Variants in FAM53C observed in about 807,000 individuals in gnomAD.
The protein encoded by FAM53C is protein FAM53C.
A neutral mutation model predicts 34.7 loss-of-function variants in FAM53C; 10 were observed. The observed-to-expected ratio is 0.29, with a 90% CI of 0.18 to 0.49. The LOEUF is 0.49. Among genes scored for constraint, FAM53C ranks in the 20% least tolerant of loss-of-function variants. The probability of loss-of-function intolerance (pLI) is 0.99; values close to 1 mark genes in which losing one functional copy is unlikely to be tolerated. For missense variants in FAM53C, 442 were observed against 515.3 expected, an observed-to-expected ratio of 0.86 and a Z score of 1.38; for synonymous variants, 203 against 203.6, an observed-to-expected ratio of 1.00 and a Z score of 0.03.
Position 138,345,056 on chromosome 5 carries a change from T to C in FAM53C, c.368T>C (p.Val123Ala), listed in dbSNP as rs1226612560. 13 of 1,613,746 alleles carry C rather than the reference T, an allele frequency of 8.1e-6. No homozygotes were observed. Among genetic ancestry groups the C allele is most frequent in the Non-Finnish European group, 1.0e-5 (12 of 1,179,880 alleles). ...AAGAGGCACTGCCGCTCACTCTCAGTGCCCGTGGACCTGTCTCGCTGGCAG... is the reference window on the plus strand; with the variant it reads ...AAGAGGCACTGCCGCTCACTCTCAGCGCCCGTGGACCTGTCTCGCTGGCAG... ...PSKRHCRSLS[V>A]PVDLSRWQPV... The change falls in exon 4 of 5, where the codon GTG becomes GCG. Residue 123 changes from valine to alanine, a missense_variant. By Grantham distance (64) the Val-to-Ala change is moderately conservative (BLOSUM62 0). Coordinates refer to ENST00000239906, the MANE Select transcript of FAM53C (RefSeq NM_016605.3). This position sits in a 1 kb window ranked among gnomAD's most constrained non-coding sequence, Gnocchi z 6.3.
chr5:138,338,196 T>C (rs1456420074), upstream of FAM53C: 1 of 1,281,128 alleles, frequency 7.8e-7, no homozygotes, highest in Admixed American at 2.3e-5. Flanking sequence ...GCTGTCCCCC[T>C]ACTCTCCTCA....
intron 2 of FAM53C, 138 bp downstream of exon 2, chr5:138,341,551 AC>A: frequency 1.1e-6 from 1 of 884,454 alleles, no homozygotes; most frequent in Non-Finnish European, 1.8e-6. Context: ...ATGGCTCAAA[AC>A]CCAGCCCAAA....
intron 1 of FAM53C, among the ~76,000 whole-genome samples, chr5:138,339,569 G>C (rs1023078669): frequency 1.3e-5 from 2 of 152,174 alleles, no homozygotes; most frequent in Non-Finnish European, 1.5e-5. Flanking sequence ...CTCATAGCTG[G>C]TTAGCCTGAG....
chr5:138,338,402 CCCGCGCGGCCGGGCCTCGCTGG>C (rs1455646633), intron 1 of FAM53C, 95 bp downstream of exon 1: 8 of 351,990 alleles, frequency 2.3e-5, no homozygotes, highest in African/African-American at 1.1e-4. Context: ...AGCCCGACCG[CCCGCGCGGCCGGGCCTCGCTGG>C]CCGCCTCTGC....
chr5:138,340,703 CAT>C (rs1761011333), intron 1 of FAM53C, among the ~76,000 whole-genome samples: 3 of 152,198 alleles, frequency 2.0e-5, no homozygotes, highest in Admixed American at 2.0e-4. Flanking sequence ...TGTGGGAGGA[CAT>C]AAAATCCTAT....
In FAM53C at chr5:138,348,461, C is replaced by T. The variant is rs1344440047; in HGVS notation, c.*1502C>T. 1 of 152,178 alleles carries T rather than the reference C, an allele frequency of 6.6e-6. No individual in the cohort carries two copies. Among genetic ancestry groups the T allele is most frequent in the Non-Finnish European group, 1.5e-5 (1 of 68,034 alleles). The allele number at this position is 152,178 out of a possible 1,614,324, so 9.4% of individuals were successfully genotyped here. ...TTAGACCCTGCATGACCAAATTTGACCTGCCCTTGTTTATGGCAAGAAGGG... is the reference window on the plus strand; with the variant it reads ...TTAGACCCTGCATGACCAAATTTGATCTGCCCTTGTTTATGGCAAGAAGGG... On this transcript the variant is annotated 3_prime_UTR_variant, in exon 5 of 5. Transcript: ENST00000239906.
intron 1 of FAM53C, among the ~76,000 whole-genome samples, chr5:138,340,506 A>G (rs2126885197): frequency 6.6e-6 from 1 of 152,340 alleles, no homozygotes. Context: ...ATCTTGGTTA[A>G]CTGTATCCAT....
chr5:138,341,573 C>A, intron 2 of FAM53C, 160 bp downstream of exon 2: 1 of 793,876 alleles, frequency 1.3e-6, no homozygotes, highest in Non-Finnish European at 2.1e-6. Flanking sequence ...AGGAAGGGGG[C>A]AGGGATTTTT....
Position 138,346,879 on chromosome 5 carries a change from G to A in FAM53C, c.1099G>A (p.Gly367Ser), listed in dbSNP as rs765733710. Residue 367 changes from glycine (G) to serine (S), a missense_variant, in exon 5 of 5, where the codon GGT (glycine) becomes AGT (serine). By Grantham distance (56) the Gly-to-Ser change is moderately conservative. Coordinates refer to ENST00000239906, the MANE Select transcript of FAM53C (RefSeq NM_016605.3). Reference protein sequence around the residue: ...EEEEEGAVRWGRQALSKRTLC... With the variant: ...EEEEEGAVRWSRQALSKRTLC... ...GGAGGAGGAGGGGGCTGTGCGGTGG[G>A]GTCGGCAGGCGCTGAGCAAGCGGAC... The A allele has an allele frequency of 6.2e-7, 1 of 1,614,150 alleles. No homozygotes were observed. The highest frequency in any genetic ancestry group is 1.1e-5 in the South Asian group (1 of 91,086).
rs1271050525 is a variant in FAM53C at position 138,345,215 on chromosome 5, C to T, written c.527C>T (p.Pro176Leu). Residue 176 changes from proline to leucine, a missense_variant, in exon 4 of 5, where the codon CCC becomes CTC. Coordinates refer to ENST00000239906, the MANE Select transcript of FAM53C (RefSeq NM_016605.3). The surrounding 1 kb of genome is among the most constrained non-coding windows in gnomAD (Gnocchi z 6.3). ...RVSSLRFLQA[P>L]SASSQCAPAH... ...TCCAGCCTCAGGTTCCTCCAAGCTC[C>T]CAGTGCCTCTTCTCAATGTGCCCCA... 6.2e-7 allele frequency: 1 copy of T among 1,614,214 alleles called. No individual in the cohort carries two copies. The highest frequency in any genetic ancestry group is 2.2e-5 in the East Asian group (1 of 44,884).
In FAM53C at chr5:138,345,540, G is replaced by C. The variant is rs755229152; in HGVS notation, c.852G>C (p.Gly284=). The C allele has an allele frequency of 1.2e-6, 2 of 1,614,026 alleles. No homozygotes were observed. Among genetic ancestry groups the C allele is most frequent in the Non-Finnish European group, 1.7e-6 (2 of 1,180,042 alleles). Residue 284 remains glycine (G), a synonymous_variant, in exon 4 of 5, where the codon GGG becomes GGC. Coordinates refer to ENST00000239906, the MANE Select transcript of FAM53C (RefSeq NM_016605.3). The surrounding 1 kb of genome is among the most constrained non-coding windows in gnomAD (Gnocchi z 6.3). ...QPCDLDARKT[G]VKRRHEEDPR... ...GTGATCTGGATGCCCGCAAAACTGGGGTCAAGCGGCGCCACGAGGAAGACC... is the reference window on the plus strand; with the variant it reads ...GTGATCTGGATGCCCGCAAAACTGGCGTCAAGCGGCGCCACGAGGAAGACC...
chr5:138,337,779 G>A (rs183405931), upstream of FAM53C: 2,773 of 385,696 alleles, frequency 7.2e-3, 11 homozygotes, highest in Non-Finnish European at 1.0e-2. Flanking sequence ...CCTTCACGCC[G>A]CGGACGGGTC....
In FAM53C at chr5:138,344,818, C is replaced by A; in HGVS notation, c.137-7C>A. The A allele has an allele frequency of 6.6e-7, 1 of 1,524,762 alleles. No homozygotes were observed. The highest frequency in any genetic ancestry group is 8.8e-7 in the Non-Finnish European group (1 of 1,138,254). The allele number at this position is 1,524,762 out of a possible 1,614,324, so 94.5% of individuals were successfully genotyped here. On this transcript the variant is annotated splice_region_variant and splice_polypyrimidine_tract_variant and intron_variant, in intron 3 of 4. Transcript: ENST00000239906. Reference sequence around the variant, plus strand: ...TTAATATTATTCTTATTATAAATGCCTTCCAGAAGGTGCTTCCTGGAGGGG... The same window carrying A: ...TTAATATTATTCTTATTATAAATGCATTCCAGAAGGTGCTTCCTGGAGGGG...
In FAM53C at chr5:138,345,192, C is replaced by T; in HGVS notation, c.504C>T (p.Ser168=). The stretch of plus-strand genomic sequence containing the variant: ...ACCAGAGCCCCCCAAAGCGGGTCTC[C>T]AGCCTCAGGTTCCTCCAAGCTCCCA... ...VPHQSPPKRV[S]SLRFLQAPSA... The change falls in exon 4 of 5, where the codon TCC becomes TCT. Residue 168 remains serine, a synonymous_variant. Coordinates refer to ENST00000239906, the MANE Select transcript of FAM53C (RefSeq NM_016605.3). The surrounding 1 kb of genome is among the most constrained non-coding windows in gnomAD (Gnocchi z 6.3). The T allele has an allele frequency of 1.2e-6, 2 of 1,614,230 alleles. No homozygotes were observed. Among genetic ancestry groups the T allele is most frequent in the South Asian group, 1.1e-5 (1 of 91,088 alleles).
chr5:138,349,679 C>T lies in FAM53C; in HGVS notation c.*2720C>T, dbSNP rs926145924. 2 of 152,294 alleles carry T rather than the reference C, an allele frequency of 1.3e-5. No homozygotes were observed. The highest frequency in any genetic ancestry group is 4.8e-5 in the African/African-American group (2 of 41,464). The allele number at this position is 152,294 out of a possible 1,614,324, so 9.4% of individuals were successfully genotyped here. A position where few individuals can be genotyped will look rare whatever the true frequency, so the allele number is the denominator to read the frequency against. On this transcript the variant is annotated 3_prime_UTR_variant, in exon 5 of 5. Transcript: ENST00000239906. ...TAAACATGAGGTTCTGCCTCTGTGGCTGTGTTTGAAAAAATAAAGTTTTAT... is the reference window on the plus strand; with the variant it reads ...TAAACATGAGGTTCTGCCTCTGTGGTTGTGTTTGAAAAAATAAAGTTTTAT...
In FAM53C at chr5:138,349,055, TAC is replaced by T. The variant is rs1185667222; in HGVS notation, c.*2098_*2099del. On this transcript the variant is annotated 3_prime_UTR_variant, in exon 5 of 5. Coordinates refer to ENST00000239906, the MANE Select transcript of FAM53C (RefSeq NM_016605.3). The stretch of plus-strand genomic sequence containing the variant: ...GGCACCATCCTTAGGGGAGAAGGTC[TAC>T]AGTTATCATTATTTTAATTCCATTA... 1.3e-5 allele frequency: 2 copies of T among 152,268 alleles called. No homozygotes were observed. Among genetic ancestry groups the T allele is most frequent in the Non-Finnish European group, 2.9e-5 (2 of 68,050 alleles). 9.4% of individuals were successfully genotyped at this position (152,268 alleles called of 1,614,324 possible).
chr5:138,339,037 G>A (rs965479808), intron 1 of FAM53C, among the ~76,000 whole-genome samples: 3 of 152,228 alleles, frequency 2.0e-5, no homozygotes, highest in Non-Finnish European at 2.9e-5. Context: ...TGCTGGTGGA[G>A]GGAAAGCCTG....
At chr5:138,341,907 T>C in intron 3 of FAM53C, 41 bp downstream of exon 3, 2 of 1,586,658 alleles carry the variant, frequency 1.3e-6, no homozygotes, top group Non-Finnish European at 1.7e-6. Context: ...GTGTACCCAT[T>C]CCTCTCTCCA....
chr5:138,342,036 C>G, intron 3 of FAM53C, 170 bp downstream of exon 3: 4 of 618,504 alleles, frequency 6.5e-6, no homozygotes, highest in South Asian at 2.2e-5. Flanking sequence ...TGAAAGTTAT[C>G]TGGTTGGTTT....
Sources: gnomAD v4.1 joint callset for allele counts (sites outside exome capture counted in the v4.1 genomes callset) on GRCh38, gnomAD v4.1.1 for gene constraint, Gnocchi (gnomAD v3.1) non-coding constraint, MANE v1.5 for transcripts, NCBI Gene and HGNC (gene_info 2026-07-23, HGNC 2026-07-21) for gene names.